LHFPL3: variants seen among roughly 807,000 people sequenced by gnomAD.
LHFPL3 encodes LHFPL tetraspan subfamily member 3.
Under a neutral mutation model 19.3 loss-of-function variants are expected in LHFPL3, and 5 were observed. The ratio of observed to expected loss-of-function variants is 0.26; its 90% CI spans 0.14 to 0.54. LHFPL3 has a LOEUF of 0.54. Ranked by LOEUF, LHFPL3 falls within the 20% of genes least tolerant of loss-of-function variation. The pLI is 0.94. For synonymous variants in LHFPL3, 133 were observed against 126.2 expected (o/e 1.05, Z -0.36); for missense variants, 249 against 307.4 (o/e 0.81, Z 1.42).
intron 2 of LHFPL3, among the ~76,000 whole-genome samples, chr7:104,783,542 T>C (rs942768922): frequency 6.6e-6 from 1 of 152,106 alleles, no homozygotes; most frequent in African/African-American, 2.4e-5. Context: ...AAACAAGAAA[T>C]GTAATGCACC....
chr7:104,612,566 T>C (rs1791231419), intron 1 of LHFPL3, among the ~76,000 whole-genome samples: 4 of 152,212 alleles, frequency 2.6e-5, no homozygotes, highest in Admixed American at 2.0e-4. Context: ...CTAGTAGTTA[T>C]ACAAGTATCT....
chr7:104,791,529 T>G (rs1790023875), intron 2 of LHFPL3, among the ~76,000 whole-genome samples: 1 of 152,060 alleles, frequency 6.6e-6, no homozygotes, highest in African/African-American at 2.4e-5. Flanking sequence ...CACCCATCTG[T>G]TTTTCTGGAT....
chr7:104,460,165 A>G (rs748095801), intron 1 of LHFPL3, among the ~76,000 whole-genome samples: 1 of 152,160 alleles, frequency 6.6e-6, no homozygotes, highest in Non-Finnish European at 1.5e-5. Flanking sequence ...CCATGTTCCC[A>G]TAGAAGACAT....
At chr7:104,808,741 G>A (rs1790413712) in intron 2 of LHFPL3, among the ~76,000 whole-genome samples, 1 of 152,142 alleles carries the variant, frequency 6.6e-6, no homozygotes, top group Admixed American at 6.6e-5. Flanking sequence ...TCTAAGGCCG[G>A]TGAGTCTAAC....
At chr7:104,445,104 G>T (rs748551135) in intron 1 of LHFPL3, among the ~76,000 whole-genome samples, 1 of 152,166 alleles carries the variant, frequency 6.6e-6, no homozygotes, top group Non-Finnish European at 1.5e-5. Flanking sequence ...TTAGTTTGCT[G>T]GTGGTGGTGG....
intron 1 of LHFPL3, among the ~76,000 whole-genome samples, chr7:104,447,899 T>A (rs1275463634): frequency 6.6e-6 from 1 of 152,136 alleles, no homozygotes; most frequent in African/African-American, 2.4e-5. Context: ...ACACATGTAC[T>A]ATGTTAAGTT....
intron 2 of LHFPL3, among the ~76,000 whole-genome samples, chr7:104,880,971 C>T (rs1006724632): frequency 6.6e-5 from 10 of 152,066 alleles, no homozygotes; most frequent in African/African-American, 2.4e-4. Flanking sequence ...GAGATCAAGA[C>T]CTTCCTGGCT....
At chr7:104,356,097 G>A (rs1202859402) in intron 1 of LHFPL3, among the ~76,000 whole-genome samples, 1 of 152,182 alleles carries the variant, frequency 6.6e-6, no homozygotes, top group Non-Finnish European at 1.5e-5. Context: ...TTAGGATATA[G>A]CTTTTGTAAT....
intron 1 of LHFPL3, among the ~76,000 whole-genome samples, chr7:104,497,739 T>C (rs1793512948): frequency 6.6e-6 from 1 of 152,094 alleles, no homozygotes; most frequent in Non-Finnish European, 1.5e-5. Flanking sequence ...TGGTTAGGAA[T>C]CTTTTGGCCC....
chr7:104,753,252 C>T (rs2059260116), intron 2 of LHFPL3, among the ~76,000 whole-genome samples: 1 of 152,158 alleles, frequency 6.6e-6, no homozygotes, highest in African/African-American at 2.4e-5. Flanking sequence ...AGGCTCTATT[C>T]CAAAAGTCCA....
intron 1 of LHFPL3, among the ~76,000 whole-genome samples, chr7:104,421,950 A>G (rs916455892): frequency 9.2e-5 from 14 of 152,222 alleles, no homozygotes; most frequent in East Asian, 3.9e-4. Flanking sequence ...CTAGCTCTCT[A>G]TCTACTATGG....
intron 1 of LHFPL3, among the ~76,000 whole-genome samples, chr7:104,345,645 G>A (rs1790050846): frequency 6.6e-6 from 1 of 151,978 alleles, no homozygotes; most frequent in African/African-American, 2.4e-5. Context: ...CAATGGCATG[G>A]TTTATACAAA....
chr7:104,868,539 AG>A (rs1791772510), intron 2 of LHFPL3, among the ~76,000 whole-genome samples: 1 of 152,338 alleles, frequency 6.6e-6, no homozygotes, highest in Admixed American at 6.5e-5. Context: ...GACCTCTTCA[AG>A]GAGAACTACA....
intron 1 of LHFPL3, among the ~76,000 whole-genome samples, chr7:104,648,174 G>A (rs1293849040): frequency 1.3e-5 from 2 of 152,124 alleles, no homozygotes; most frequent in African/African-American, 4.8e-5. Flanking sequence ...CCTCTCTTAC[G>A]TAGGAAGCCA....
At position 104,614,215 on chromosome 7, in the gene LHFPL3, G is replaced by A. The variant is rs570519078; in HGVS notation, c.446-122460G>A. 2.0e-5 allele frequency among the ~76,000 whole-genome samples: 3 copies of A among 152,228 alleles called. No individual in the cohort carries two copies. The South Asian group carries it at 6.2e-4, about 32-fold the overall frequency. ...TGAGGGAGAACATGAGGGCTGTCTT[G>A]GTCAGGGCCTTTCTGTCTGCTATAT... On this transcript the variant is annotated intron_variant, in intron 1 of 2. Coordinates refer to ENST00000424859, the MANE Select transcript of LHFPL3 (RefSeq NM_199000.3).
At chr7:104,465,930 G>C (rs985471380) in intron 1 of LHFPL3, among the ~76,000 whole-genome samples, 1 of 152,200 alleles carries the variant, frequency 6.6e-6, no homozygotes. Context: ...ACTGTGATCT[G>C]AGGGTATGTT....
chr7:104,659,847 A>C (rs1375524416), intron 1 of LHFPL3, among the ~76,000 whole-genome samples: 2 of 152,166 alleles, frequency 1.3e-5, no homozygotes, highest in African/African-American at 4.8e-5. Context: ...TGAGCCAACT[A>C]GTCCTAATAG....
At chr7:104,850,790 C>G (rs10227564) in intron 2 of LHFPL3, among the ~76,000 whole-genome samples, 10 of 151,890 alleles carry the variant, frequency 6.6e-5, no homozygotes, top group South Asian at 2.1e-4. Flanking sequence ...GATACCCCCC[C>G]ACCCCCGCCA....
intron 2 of LHFPL3, among the ~76,000 whole-genome samples, chr7:104,844,148 T>C (rs1014539424): frequency 6.6e-6 from 1 of 152,212 alleles, no homozygotes; most frequent in Non-Finnish European, 1.5e-5. Context: ...ATGAAATGGT[T>C]CTGGGAAAGA....
Sources: allele counts gnomAD v4.1 joint callset (sites outside exome capture counted in the v4.1 genomes callset), GRCh38; gene constraint gnomAD v4.1.1; transcripts MANE v1.5; gene names NCBI Gene and HGNC (gene_info 2026-07-23, HGNC 2026-07-21).